Variants in PLXNB2 observed in about 807,000 individuals in gnomAD.
The protein encoded by PLXNB2 is plexin-B2.
A neutral mutation model predicts 202.6 loss-of-function variants in PLXNB2; 85 were observed. The ratio of observed to expected loss-of-function variants is 0.42; its 90% CI spans 0.35 to 0.50. The LOEUF (loss-of-function observed/expected upper bound fraction) is 0.50, where lower values mean the gene tolerates loss of function less well. Among genes scored for constraint, PLXNB2 ranks in the 20% least tolerant of loss-of-function variants. PLXNB2 has a pLI of 0.02. For missense variants in PLXNB2, 2,063 were observed against 2,586.2 expected, an observed-to-expected ratio of 0.80 and a Z score of 4.39; for synonymous variants, 1,239 against 1,137.6, an observed-to-expected ratio of 1.09 and a Z score of -1.79.
At chr22:50,282,463 C>T (rs942066060) in intron 18 of PLXNB2, 150 bp from the exon 19 acceptor site, 30 of 836,362 alleles carry the variant, frequency 3.6e-5, no homozygotes, top group East Asian at 2.7e-4. Flanking sequence ...CGCGGTGGGA[C>T]GTGCTGAGCA....
At chr22:50,307,008 TTC>T (rs913214579) in intron 1 of PLXNB2, among the ~76,000 whole-genome samples, 3 of 151,916 alleles carry the variant, frequency 2.0e-5, no homozygotes, top group Admixed American at 6.6e-5. Flanking sequence ...TTCTGAGACT[TTC>T]TGTGTCTCGG....
At position 50,286,187 on chromosome 22, in the gene PLXNB2, C is replaced by A; in HGVS notation, c.1863G>T (p.Leu621=). 6.2e-7 allele frequency: 1 copy of A among 1,613,046 alleles called. No individual in the cohort carries two copies. Among genetic ancestry groups the A allele is most frequent in the Non-Finnish European group, 8.5e-7 (1 of 1,179,720 alleles). The part of the protein sequence containing the change: ...PFYDCRQAMS[L]EENLPCISCV... ...AAGACACTCACGGCAGGTTCTCCTC[C>A]AGGCTCATGGCCTGGCGGCAGTCGT... Residue 621 remains leucine (L), a synonymous_variant, in exon 9 of 37, where the codon CTG becomes CTT. Transcript: ENST00000359337.
chr22:50,299,678 C>A (rs2067543259), intron 1 of PLXNB2, among the ~76,000 whole-genome samples: 2 of 152,096 alleles, frequency 1.3e-5, no homozygotes, highest in South Asian at 4.1e-4. Context: ...TGGGTAGGCG[C>A]GGGGAGGGAC....
At chr22:50,286,931 A>C (rs1465099592) in intron 8 of PLXNB2, among the ~76,000 whole-genome samples, 180 bp downstream of exon 8, 1 of 152,162 alleles carries the variant, frequency 6.6e-6, no homozygotes, top group African/African-American at 2.4e-5. Flanking sequence ...AAGAAGCCAG[A>C]ACCTCCCCAA....
At chr22:50,306,323 G>C (rs1601790091) in intron 1 of PLXNB2, among the ~76,000 whole-genome samples, 1 of 152,304 alleles carries the variant, frequency 6.6e-6, no homozygotes, top group East Asian at 1.9e-4. Context: ...GTCGGCTCTG[G>C]GGATTTCTAT....
rs1036413817 is a variant in PLXNB2, at chr22:50,297,209, A to G, written c.-73-2431T>C. ...AGACCTGCCATCTTGAAGGGACGCC[A>G]CACCGGCCTGTGTGCCCCATGCCCA... On this transcript the variant is annotated intron_variant, in intron 1 of 36. Coordinates refer to ENST00000359337, the MANE Select transcript of PLXNB2 (RefSeq NM_012401.4). The surrounding 1 kb of genome is among the most constrained non-coding windows in gnomAD (Gnocchi z 5.3). Among the ~76,000 whole-genome samples the G allele has an allele frequency of 3.3e-5, 5 of 152,088 alleles. No individual in the cohort carries two copies. Among genetic ancestry groups the G allele is most frequent in the Admixed American group, 6.5e-5 (1 of 15,288 alleles).
In PLXNB2 at chr22:50,284,534, G is replaced by A; in HGVS notation, c.2181+39C>T. ...GACCCCCCACCCCACCCGGGGCCCT[G>A]GGGTCCAGCAGCCGAGCCGGCCTGC... On this transcript the variant is annotated intron_variant, in intron 12 of 36. Coordinates refer to ENST00000359337, the MANE Select transcript of PLXNB2 (RefSeq NM_012401.4). This position sits in a 1 kb window ranked among gnomAD's most constrained non-coding sequence, Gnocchi z 8.0. 2 of 1,490,416 alleles carry A rather than the reference G, an allele frequency of 1.3e-6. No homozygotes were observed. Among genetic ancestry groups the A allele is most frequent in the Non-Finnish European group, 1.8e-6 (2 of 1,083,512 alleles). The allele number at this position is 1,490,416 out of a possible 1,614,324, so 92.3% of individuals were successfully genotyped here. A position where few individuals can be genotyped will look rare whatever the true frequency, so the allele number is the denominator to read the frequency against.
chr22:50,284,780 C>G lies in PLXNB2; in HGVS notation c.2089-115G>C. Reference sequence around the variant, plus strand: ...CAGTGTGGGAGCCCTCTCCTCACCCCACACATGCCCGCCCCTCAGATTACC... The same window carrying G: ...CAGTGTGGGAGCCCTCTCCTCACCCGACACATGCCCGCCCCTCAGATTACC... On this transcript the variant is annotated intron_variant, in intron 11 of 36. Transcript: ENST00000359337. The surrounding 1 kb of genome is among the most constrained non-coding windows in gnomAD (Gnocchi z 8.0). 3.7e-6 allele frequency: 3 copies of G among 815,194 alleles called. No individual in the cohort carries two copies. The highest frequency in any genetic ancestry group is 6.6e-6 in the Non-Finnish European group (3 of 455,846). The allele number at this position is 815,194 out of a possible 1,614,324, so 50.5% of individuals were successfully genotyped here.
rs2065489583 is a variant in PLXNB2, at chr22:50,275,611, G to A, written c.*93C>T. On this transcript the variant is annotated 3_prime_UTR_variant, in exon 37 of 37. Transcript: ENST00000359337. Reference sequence around the variant, plus strand: ...TTGGGGCGCGTTCCAGGGGAGGGTGGGGGCCTCAGCCACAGCCACTCGGCC... The same window carrying A: ...TTGGGGCGCGTTCCAGGGGAGGGTGAGGGCCTCAGCCACAGCCACTCGGCC... 1 of 867,230 alleles carries A rather than the reference G, an allele frequency of 1.2e-6. No individual in the cohort carries two copies. Among genetic ancestry groups the A allele is most frequent in the Non-Finnish European group, 1.8e-6 (1 of 549,756 alleles). 53.7% of individuals were successfully genotyped at this position (867,230 alleles called of 1,614,324 possible). A position where few individuals can be genotyped will look rare whatever the true frequency, so the allele number is the denominator to read the frequency against.
Position 50,288,752 on chromosome 22 carries a change from G to C in PLXNB2, c.1371C>G (p.Thr457=), listed in dbSNP as rs1273471008. Residue 457 remains threonine (T), a synonymous_variant, in exon 5 of 37, where the codon ACC becomes ACG. Transcript: ENST00000359337. The surrounding 1 kb of genome is among the most constrained non-coding windows in gnomAD (Gnocchi z 5.0). ...GCTGCGTCTGGCTCACCTTGTCCTG[G>C]GTCATGGCGTACAGGCTGCCCAGGT... ...SGDLGSLYAM[T]QDKVFRLPVQ... The C allele has an allele frequency of 3.7e-6, 6 of 1,612,870 alleles. No individual in the cohort carries two copies. Among genetic ancestry groups the C allele is most frequent in the Non-Finnish European group, 5.1e-6 (6 of 1,179,956 alleles).
chr22:50,276,659 G>A lies in PLXNB2; in HGVS notation c.5307C>T (p.Asp1769=). The change falls in exon 35 of 37, where the codon GAC becomes GAT. Residue 1769 remains aspartate, a synonymous_variant. Coordinates refer to ENST00000359337, the MANE Select transcript of PLXNB2 (RefSeq NM_012401.4). ...IRQMVQVSDQ[D]MNTHLAEISR... is the part of the protein sequence containing the mutation. ...AAATCTCTGCCAGGTGTGTGTTCATGTCCTGGTCGCTGACCTGCACCATCT... is the reference window on the plus strand; with the variant it reads ...AAATCTCTGCCAGGTGTGTGTTCATATCCTGGTCGCTGACCTGCACCATCT... 1.2e-6 allele frequency: 2 copies of A among 1,613,808 alleles called. No homozygotes were observed. The highest frequency in any genetic ancestry group is 1.7e-6 in the Non-Finnish European group (2 of 1,179,832).
chr22:50,275,237 G>A lies in PLXNB2; in HGVS notation c.*467C>T, dbSNP rs1352318013. 3 of 363,996 alleles carry A rather than the reference G, an allele frequency of 8.2e-6. No homozygotes were observed. Among genetic ancestry groups the A allele is most frequent in the Non-Finnish European group, 1.6e-5 (3 of 182,508 alleles). 22.5% of individuals were successfully genotyped at this position (363,996 alleles called of 1,614,324 possible). A position where few individuals can be genotyped will look rare whatever the true frequency, so the allele number is the denominator to read the frequency against. On this transcript the variant is annotated 3_prime_UTR_variant, in exon 37 of 37. Transcript: ENST00000359337. ...TTGGGGAGGCCGGTGAGGTCAGGAA[G>A]GCATCGTACCGCTTTTTCTCCTCCT...
At position 50,285,895 on chromosome 22, in the gene PLXNB2, T is replaced by A. The variant is rs138005986; in HGVS notation, c.1993A>T (p.Ser665Cys). The A allele has an allele frequency of 6.2e-7, 1 of 1,612,152 alleles. No homozygotes were observed. The highest frequency in any genetic ancestry group is 1.3e-5 in the African/African-American group (1 of 75,036). ...DGIVRAHMEDSCPQFLGPSPL... is the reference protein window; with the variant it reads ...DGIVRAHMEDCCPQFLGPSPL... ...CTGGGTCCCAGGAACTGGGGACAGC[T>A]GTCCTCCTGGGAGAGTAAGGCTGGT... The change falls in exon 11 of 37, where the codon AGC (serine) becomes TGC (cysteine). Residue 665 changes from serine (S) to cysteine (C), a missense_variant. Ser to Cys is a moderately radical substitution (Grantham distance 112). This residue lies in a region of PLXNB2 where 1,303 missense variants were observed against 1,476.8 expected (regional missense o/e 0.88). Coordinates refer to ENST00000359337, the MANE Select transcript of PLXNB2 (RefSeq NM_012401.4).
chr22:50,293,603 G>A (rs968326376), intron 2 of PLXNB2, among the ~76,000 whole-genome samples: 1 of 152,236 alleles, frequency 6.6e-6, no homozygotes, highest in Non-Finnish European at 1.5e-5. Flanking sequence ...AATGGAATGC[G>A]CCCGCAGCTG....
intron 25 of PLXNB2, 120 bp downstream of exon 25, chr22:50,280,369 G>T: frequency 1.1e-6 from 1 of 937,846 alleles, no homozygotes; most frequent in East Asian, 2.8e-5. Context: ...CACCACCAGC[G>T]CTGGCTGGCA....
chr22:50,281,406 T>C lies in PLXNB2; in HGVS notation c.3616A>G (p.Ile1206Val), dbSNP rs2065981323. Residue 1206 changes from isoleucine (I) to valine (V), a missense_variant, in exon 22 of 37, where the codon ATC becomes GTC. Ile to Val is a conservative substitution (Grantham distance 29). Transcript: ENST00000359337. ...GCGATGACGACCACCATGGGCACGATGACCAGCGGCAAGATGAGGCTGAGC... is the reference window on the plus strand; with the variant it reads ...GCGATGACGACCACCATGGGCACGACGACCAGCGGCAAGATGAGGCTGAGC... ...VPLSLILPLVIVPMVVVIAVS... is the reference protein window; with the variant it reads ...VPLSLILPLVVVPMVVVIAVS... 6.2e-7 allele frequency: 1 copy of C among 1,612,440 alleles called. No homozygotes were observed. Among genetic ancestry groups the C allele is most frequent in the Non-Finnish European group, 8.5e-7 (1 of 1,179,774 alleles).
intron 25 of PLXNB2, 84 bp downstream of exon 25, chr22:50,280,405 G>A: frequency 2.2e-6 from 3 of 1,340,378 alleles, no homozygotes; most frequent in Non-Finnish European, 3.0e-6. Flanking sequence ...GGGCCCAACA[G>A]GCCGCTGTGC....
In PLXNB2 at chr22:50,278,550, G is replaced by A. The variant is rs767935331; in HGVS notation, c.4648-31C>T. 9 of 1,591,226 alleles carry A rather than the reference G, an allele frequency of 5.7e-6. No individual in the cohort carries two copies. The Admixed American group carries it at 1.6e-4, about 28-fold the overall frequency. ...GAACACGGCGGTGAGGGTGGGCTGTGCCCCCAGGGTGCCCAGTTCTCGCCC... is the reference window on the plus strand; with the variant it reads ...GAACACGGCGGTGAGGGTGGGCTGTACCCCCAGGGTGCCCAGTTCTCGCCC... On this transcript the variant is annotated intron_variant, in intron 29 of 36. Transcript: ENST00000359337.
Position 50,284,518 on chromosome 22 carries a change from C to A in PLXNB2, c.2181+55G>T. On this transcript the variant is annotated intron_variant, in intron 12 of 36. Transcript: ENST00000359337. This position sits in a 1 kb window ranked among gnomAD's most constrained non-coding sequence, Gnocchi z 8.0. Reference sequence around the variant, plus strand: ...TCACAGTCCTGAAGGTGACCCCCCACCCCACCCGGGGCCCTGGGGTCCAGC... The same window carrying A: ...TCACAGTCCTGAAGGTGACCCCCCAACCCACCCGGGGCCCTGGGGTCCAGC... 1 of 1,365,916 alleles carries A rather than the reference C, an allele frequency of 7.3e-7. No homozygotes were observed. Among genetic ancestry groups the A allele is most frequent in the Non-Finnish European group, 1.0e-6 (1 of 974,546 alleles). The allele number at this position is 1,365,916 out of a possible 1,614,324, so 84.6% of individuals were successfully genotyped here. A position where few individuals can be genotyped will look rare whatever the true frequency, so the allele number is the denominator to read the frequency against.
Sources: gnomAD v4.1 joint callset for allele counts (sites outside exome capture counted in the v4.1 genomes callset) on GRCh38, gnomAD v4.1.1 for gene constraint, gnomAD v4.1.1 regional missense constraint, Gnocchi (gnomAD v3.1) non-coding constraint, MANE v1.5 for transcripts, NCBI Gene and HGNC (gene_info 2026-07-23, HGNC 2026-07-21) for gene names.